The following TPD52 variants were observed in gnomAD, a reference collection of about 807,000 sequenced individuals.
The protein encoded by TPD52 is prostate and colon associated protein.
Under a neutral mutation model 31.3 loss-of-function variants are expected in TPD52, and 17 were observed. The ratio of observed to expected loss-of-function variants is 0.54; its 90% CI spans 0.37 to 0.82. TPD52 has a LOEUF of 0.82. Among genes scored for constraint, TPD52 ranks in the 40% least tolerant of loss-of-function variants. The pLI is 0.00. For missense variants in TPD52, 212 were observed against 240.1 expected, an observed-to-expected ratio of 0.88 and a Z score of 0.77; for synonymous variants, 83 against 89.6, an observed-to-expected ratio of 0.93 and a Z score of 0.42.
At chr8:80,103,028 G>A (rs1220636124) in intron 1 of TPD52, among the ~76,000 whole-genome samples, 2 of 152,012 alleles carry the variant, frequency 1.3e-5, no homozygotes, top group East Asian at 1.9e-4. Context: ...CCCACACCTC[G>A]CCCTATGCAC....
intron 1 of TPD52, among the ~76,000 whole-genome samples, chr8:80,150,096 G>A (rs1283961093): frequency 1.3e-5 from 2 of 152,356 alleles, no homozygotes; most frequent in African/African-American, 4.8e-5. Flanking sequence ...CTCCTGCTGT[G>A]TGCAGCCTAG....
chr8:80,171,397 C>T (rs1812091555), intron 1 of TPD52, 28 bp downstream of exon 1: 2 of 1,513,664 alleles, frequency 1.3e-6, no homozygotes. Flanking sequence ...CAAGCCCGAG[C>T]CCAAGCCCGC....
chr8:80,082,772 A>G (rs1815427752), intron 1 of TPD52, among the ~76,000 whole-genome samples: 1 of 152,238 alleles, frequency 6.6e-6, no homozygotes, highest in African/African-American at 2.4e-5. Flanking sequence ...GCTCTACCGG[A>G]TACCTGCCCT....
intron 1 of TPD52, among the ~76,000 whole-genome samples, chr8:80,109,197 G>A (rs1485813824): frequency 6.6e-6 from 1 of 152,174 alleles, no homozygotes; most frequent in Non-Finnish European, 1.5e-5. Context: ...TATAGGTACT[G>A]CAGGTGAAGT....
chr8:80,122,239 A>C (rs1808309427), intron 1 of TPD52, among the ~76,000 whole-genome samples: 1 of 152,208 alleles, frequency 6.6e-6, no homozygotes. Flanking sequence ...TGATGCAGGA[A>C]AACAGAGGGA....
At chr8:80,040,819 G>A (rs1810309962) in intron 7 of TPD52, among the ~76,000 whole-genome samples, 2 of 152,182 alleles carry the variant, frequency 1.3e-5, no homozygotes, top group Admixed American at 1.3e-4. Flanking sequence ...GAAAAATAAA[G>A]CAGGTCTCTT....
chr8:80,087,367 G>A (rs957532577), intron 1 of TPD52, among the ~76,000 whole-genome samples: 19 of 152,196 alleles, frequency 1.2e-4, no homozygotes, highest in African/African-American at 4.3e-4. Flanking sequence ...AGGAACAAGA[G>A]CATGTCCTTT....
chr8:80,092,401 A>C (rs1816344820), intron 1 of TPD52, among the ~76,000 whole-genome samples: 1 of 152,240 alleles, frequency 6.6e-6, no homozygotes, highest in South Asian at 2.1e-4. Flanking sequence ...TTAACATATT[A>C]ATAGATCCAG....
chr8:80,086,775 G>A (rs932721678), intron 1 of TPD52, among the ~76,000 whole-genome samples: 12 of 143,328 alleles, frequency 8.4e-5, no homozygotes, highest in African/African-American at 2.8e-4. Flanking sequence ...TCAGAAGACT[G>A]AGGCACAAGA....
intron 6 of TPD52, 135 bp from the exon 7 acceptor site, chr8:80,042,803 G>A: frequency 2.9e-6 from 2 of 688,758 alleles, no homozygotes; most frequent in Non-Finnish European, 4.7e-6. Flanking sequence ...TACCATATAT[G>A]TGCAGGTACA....
At chr8:80,075,699 A>C (rs914185030) in intron 1 of TPD52, among the ~76,000 whole-genome samples, 1 of 152,192 alleles carries the variant, frequency 6.6e-6, no homozygotes, top group African/African-American at 2.4e-5. Context: ...ATTCCAGAAA[A>C]GAGTGACAAA....
chr8:80,070,600 G>C (rs1346135852), intron 1 of TPD52, among the ~76,000 whole-genome samples: 2 of 152,186 alleles, frequency 1.3e-5, no homozygotes, highest in Non-Finnish European at 2.9e-5. Context: ...ACAGGAGGCA[G>C]AGCTCAGGCG....
intron 1 of TPD52, among the ~76,000 whole-genome samples, chr8:80,069,884 G>C (rs1041799556): frequency 6.6e-6 from 1 of 152,132 alleles, no homozygotes; most frequent in African/African-American, 2.4e-5. Context: ...GAGTGGCCAA[G>C]AACCGGTAAG....
chr8:80,096,291 A>AACACACACACAC (rs34309218), intron 1 of TPD52, among the ~76,000 whole-genome samples: 3 of 146,814 alleles, frequency 2.0e-5, no homozygotes, highest in South Asian at 2.1e-4. Context: ...CACACACACA[A>AACACACACACAC]ACACACACAC....
intron 1 of TPD52, among the ~76,000 whole-genome samples, chr8:80,082,183 A>G (rs1815366519): frequency 6.6e-6 from 1 of 151,276 alleles, no homozygotes; most frequent in Non-Finnish European, 1.5e-5. Context: ...CCTAAAAGGT[A>G]CCAAAATTTG....
chr8:80,106,799 T>C (rs187647588), intron 1 of TPD52, among the ~76,000 whole-genome samples: 1 of 150,928 alleles, frequency 6.6e-6, no homozygotes, highest in Non-Finnish European at 1.5e-5. Context: ...TGAGACCCAA[T>C]TTGGTTCATA....
intron 1 of TPD52, among the ~76,000 whole-genome samples, chr8:80,082,890 C>T (rs1324632923): frequency 6.6e-6 from 1 of 152,190 alleles, no homozygotes; most frequent in Non-Finnish European, 1.5e-5. Context: ...AAGTAATTGC[C>T]TAAAATTTTT....
chr8:80,047,194 C>T (rs999575151), intron 5 of TPD52, among the ~76,000 whole-genome samples: 2 of 152,246 alleles, frequency 1.3e-5, no homozygotes, highest in African/African-American at 2.4e-5. Flanking sequence ...TAGGTGTGCT[C>T]GGTTCCAGTC....
rs1491014145 is a variant in TPD52, at chr8:80,072,347, GTA to G, written c.20-7756_20-7755del. On this transcript the variant is annotated intron_variant, in intron 1 of 7. Transcript: ENST00000518937. ...TGTGTGTGTGTGTGTGTGTGTGTGTGTATGTGTGTATATACATGTACACATAG... is the reference window on the plus strand; with the variant it reads ...TGTGTGTGTGTGTGTGTGTGTGTGTGTGTGTGTATATACATGTACACATAG... Among the ~76,000 whole-genome samples the G allele has an allele frequency of 6.1e-5, 9 of 147,310 alleles. 1 individual carries two copies. The highest frequency in any genetic ancestry group is 2.1e-4 in the African/African-American group (8 of 37,434).
Sources: gnomAD v4.1 joint callset for allele counts (sites outside exome capture counted in the v4.1 genomes callset) on GRCh38, gnomAD v4.1.1 for gene constraint, MANE v1.5 for transcripts, NCBI Gene and HGNC (gene_info 2026-07-23, HGNC 2026-07-21) for gene names.